The following GABPA variants were observed in gnomAD, a reference collection of about 807,000 sequenced individuals.
GABPA encodes GA-binding protein alpha chain.
Under a neutral mutation model 59.4 loss-of-function variants are expected in GABPA, and 4 were observed. That is an observed-to-expected ratio of 0.07 (90% CI 0.03 to 0.15). GABPA has a LOEUF of 0.15. GABPA is among the 10% of genes least tolerant of loss of function. The pLI, the probability that GABPA is intolerant of heterozygous loss-of-function variation, is 1.00. For missense variants in GABPA, 251 were observed against 543.8 expected (o/e 0.46, Z 5.36); for synonymous variants, 164 against 183.1 (o/e 0.90, Z 0.84).
chr21:25,763,309 G>A (rs572916151), intron 7 of GABPA: 5 of 332,762 alleles, frequency 1.5e-5, no homozygotes, highest in East Asian at 8.0e-5. Flanking sequence ...TTTCTTTTCC[G>A]CTTATGCCAT....
chr21:25,754,354 T>C (rs1292026341), intron 5 of GABPA, among the ~76,000 whole-genome samples: 2 of 152,184 alleles, frequency 1.3e-5, no homozygotes, highest in East Asian at 3.8e-4. Context: ...TCTTACTGCA[T>C]TATTTTGATA....
intron 1 of GABPA, among the ~76,000 whole-genome samples, chr21:25,738,084 T>C (rs1207715888): frequency 1.3e-5 from 2 of 152,330 alleles, no homozygotes; most frequent in African/African-American, 4.8e-5. Context: ...ATTGCTGGGT[T>C]ATAGGTATGA....
rs1260315418 is a variant in GABPA at position 25,771,030 on chromosome 21, CAGA to C, written c.*1801_*1803del. The C allele has an allele frequency of 6.6e-6, 1 of 151,926 alleles. No individual in the cohort carries two copies. The highest frequency in any genetic ancestry group is 1.5e-5 in the Non-Finnish European group (1 of 67,880). The allele number at this position is 151,926 out of a possible 1,614,324, so 9.4% of individuals were successfully genotyped here. A position where few individuals can be genotyped will look rare whatever the true frequency, so the allele number is the denominator to read the frequency against. The stretch of plus-strand genomic sequence containing the variant: ...TAAAATAACAATATGAAATAATAAA[CAGA>C]AGCTCTAACGTCAGGTAACAAATAG... On this transcript the variant is annotated 3_prime_UTR_variant, in exon 10 of 10. Transcript: ENST00000400075.
chr21:25,761,554 A>G (rs2035766886), intron 6 of GABPA, among the ~76,000 whole-genome samples: 1 of 152,172 alleles, frequency 6.6e-6, no homozygotes, highest in Admixed American at 6.6e-5. Flanking sequence ...CTCAGTACCC[A>G]GAATGATTGC....
At chr21:25,761,369 G>C (rs768879373) in intron 6 of GABPA, among the ~76,000 whole-genome samples, 1 of 152,136 alleles carries the variant, frequency 6.6e-6, no homozygotes, top group Non-Finnish European at 1.5e-5. Context: ...ACTAAATCCA[G>C]ATCTGTCTGA....
chr21:25,771,744 A>AT lies in GABPA; in HGVS notation c.*2515dup, dbSNP rs1329391962. The AT allele has an allele frequency of 6.6e-6, 1 of 152,068 alleles. No homozygotes were observed. Among genetic ancestry groups the AT allele is most frequent in the Non-Finnish European group, 1.5e-5 (1 of 67,892 alleles). 9.4% of individuals were successfully genotyped at this position (152,068 alleles called of 1,614,324 possible). A position where few individuals can be genotyped will look rare whatever the true frequency, so the allele number is the denominator to read the frequency against. ...TCATTTGTACCTTAGAAGTACAAGA[A>AT]TTTAAGTAAAAGAAATGTTCATTTT... On this transcript the variant is annotated 3_prime_UTR_variant, in exon 10 of 10. Transcript: ENST00000400075.
rs71327963 is a variant in GABPA, at chr21:25,754,617, AT to A, written c.553+2392del. On this transcript the variant is annotated intron_variant, in intron 5 of 9. Transcript: ENST00000400075. ...ACTTCTCTGAGTATATTGATTATAT[AT>A]TTTTTTTTAACTTTTAAAAAGCTTT... Among the ~76,000 whole-genome samples, 1,046 of 150,638 alleles carry A rather than the reference AT, an allele frequency of 6.9e-3. 9 individuals are homozygous for A. The highest frequency in any genetic ancestry group is 0.024 in the African/African-American group (987 of 41,212).
In GABPA at chr21:25,769,794, C is replaced by G. The variant is rs1328541006; in HGVS notation, c.*562C>G. 1.3e-5 allele frequency: 2 copies of G among 152,460 alleles called. No homozygotes were observed. Among genetic ancestry groups the G allele is most frequent in the East Asian group, 3.9e-4 (2 of 5,188 alleles). 9.4% of individuals were successfully genotyped at this position (152,460 alleles called of 1,614,324 possible). A position where few individuals can be genotyped will look rare whatever the true frequency, so the allele number is the denominator to read the frequency against. On this transcript the variant is annotated 3_prime_UTR_variant, in exon 10 of 10. Coordinates refer to ENST00000400075, the MANE Select transcript of GABPA (RefSeq NM_002040.4). ...GAGTATCAGGTTATTTATATATTTG[C>G]AAGCAAAGGACAGTAAGAAGTTGAC... is the stretch of plus-strand genomic sequence containing the variant.
intron 9 of GABPA, among the ~76,000 whole-genome samples, chr21:25,765,180 G>C (rs2035861416): frequency 6.6e-6 from 1 of 151,870 alleles, no homozygotes; most frequent in South Asian, 2.1e-4. Context: ...CCTAAATCTG[G>C]ATATCCAATC....
Position 25,735,049 on chromosome 21 carries a change from A to G in GABPA, c.-556A>G, listed in dbSNP as rs986955749. ...GACGGGTCTAGGTGAGACAGAAGCC[A>G]AACAGGAGGAGGAAGTGGAGGGTAA... On this transcript the variant is annotated 5_prime_UTR_variant, in exon 1 of 10. Transcript: ENST00000400075. 3 of 1,315,120 alleles carry G rather than the reference A, an allele frequency of 2.3e-6. No individual in the cohort carries two copies. The highest frequency in any genetic ancestry group is 1.8e-4 in the Middle Eastern group (1 of 5,556). The allele number at this position is 1,315,120 out of a possible 1,614,324, so 81.5% of individuals were successfully genotyped here.
chr21:25,739,502 T>C (rs905101943), intron 1 of GABPA, among the ~76,000 whole-genome samples: 1 of 152,248 alleles, frequency 6.6e-6, no homozygotes, highest in African/African-American at 2.4e-5. Context: ...ATTCCTTGGC[T>C]CAAAGCTCCT....
intron 7 of GABPA, among the ~76,000 whole-genome samples, chr21:25,763,949 G>A (rs140197993): frequency 1.3e-5 from 2 of 152,116 alleles, no homozygotes; most frequent in African/African-American, 2.4e-5. Context: ...TTTGTCTAAT[G>A]TGTATGCATC....
At chr21:25,752,812 A>G (rs1283442409) in intron 5 of GABPA, among the ~76,000 whole-genome samples, 2 of 152,192 alleles carry the variant, frequency 1.3e-5, no homozygotes, top group African/African-American at 2.4e-5. Flanking sequence ...TATATGGCAT[A>G]AGTTGGAACA....
rs2035028383 is a variant in GABPA, at chr21:25,735,744, C to T, written c.-27+166C>T. The T allele has an allele frequency of 9.4e-5, 2 of 21,262 alleles. 1 individual carries two copies. Among genetic ancestry groups the T allele is most frequent in the South Asian group, 5.3e-3 (2 of 374 alleles). The allele number at this position is 21,262 out of a possible 1,614,324, so 1.3% of individuals were successfully genotyped here. On this transcript the variant is annotated intron_variant, in intron 1 of 9. Coordinates refer to ENST00000400075, the MANE Select transcript of GABPA (RefSeq NM_002040.4). ...TCCGTTCGTGGAGACTTGAGGGAGCCGGGTGGGGAGGGGCGGGAGAGCTGT... is the reference window on the plus strand; with the variant it reads ...TCCGTTCGTGGAGACTTGAGGGAGCTGGGTGGGGAGGGGCGGGAGAGCTGT...
At chr21:25,742,373 A>G (rs930232377) in intron 2 of GABPA, among the ~76,000 whole-genome samples, 8 of 52 alleles carry the variant, frequency 0.15, no homozygotes, top group African/African-American at 0.27. Flanking sequence ...GAAAAGTACT[A>G]GAGATCTCTG....
At chr21:25,745,382 T>A (rs1435713490) in intron 3 of GABPA, 28 bp downstream of exon 3, 1 of 1,605,594 alleles carries the variant, frequency 6.2e-7, no homozygotes, top group Non-Finnish European at 8.5e-7. Context: ...AAATTTCTAT[T>A]GCAACATTTT....
intron 9 of GABPA, among the ~76,000 whole-genome samples, chr21:25,768,289 C>T (rs889070734): frequency 1.4e-4 from 22 of 151,834 alleles, no homozygotes; most frequent in African/African-American, 4.8e-4. Context: ...TCTTTTAGAC[C>T]TTTTCCTTAG....
At position 25,764,548 on chromosome 21, in the gene GABPA, T is replaced by C; in HGVS notation, c.944-47T>C. 2.6e-6 allele frequency: 4 copies of C among 1,543,322 alleles called. No individual in the cohort carries two copies. The South Asian group carries it at 3.5e-5, about 13-fold the overall frequency. On this transcript the variant is annotated intron_variant, in intron 8 of 9. Coordinates refer to ENST00000400075, the MANE Select transcript of GABPA (RefSeq NM_002040.4). Reference sequence around the variant, plus strand: ...CCAGTTTGTTGTCTTTGCCTTGGGCTAATCTATAACACTATAGCTAATGCT... The same window carrying C: ...CCAGTTTGTTGTCTTTGCCTTGGGCCAATCTATAACACTATAGCTAATGCT...
intron 4 of GABPA, among the ~76,000 whole-genome samples, chr21:25,751,305 A>G (rs955438813): frequency 1.3e-5 from 2 of 151,416 alleles, no homozygotes. Context: ...CCAGAATTAA[A>G]TCAAAATCAG....
Sources: allele counts gnomAD v4.1 joint callset (sites outside exome capture counted in the v4.1 genomes callset), GRCh38; gene constraint gnomAD v4.1.1; transcripts MANE v1.5; gene names NCBI Gene and HGNC (gene_info 2026-07-23, HGNC 2026-07-21).